Variants in PUDP observed in about 807,000 individuals in gnomAD.
PUDP encodes pseudouridine-5'-phosphatase.
A neutral mutation model predicts 9.4 loss-of-function variants in PUDP; 8 were observed. That is an observed-to-expected ratio of 0.85 (90% CI 0.50 to 1.53). The LOEUF is 1.53. Among genes scored for constraint, PUDP ranks in the 40% most tolerant of loss-of-function variants. The pLI is 0.00. For missense variants in PUDP, 188 were observed against 189.7 expected, an observed-to-expected ratio of 0.99 and a Z score of 0.05; for synonymous variants, 99 against 80.7, an observed-to-expected ratio of 1.23 and a Z score of -1.22.
intron 1 of PUDP, among the ~76,000 whole-genome samples, chrX:6,990,085 G>A (rs773894832): frequency 1.0e-4 from 11 of 110,103 alleles, no homozygotes; most frequent in African/African-American, 3.3e-4. Flanking sequence ...CTCCTCCCAC[G>A]CCCTACATTC....
intron 1 of PUDP, among the ~76,000 whole-genome samples, chrX:7,033,935 A>G (rs1392547086): frequency 1.8e-5 from 2 of 112,278 alleles, no homozygotes; most frequent in Non-Finnish European, 3.8e-5. Context: ...GTCAAGAGAC[A>G]GGACTTTTCA....
intron 3 of PUDP, among the ~76,000 whole-genome samples, chrX:6,884,380 G>C (rs1408859219): frequency 3.6e-5 from 4 of 111,537 alleles, no homozygotes; most frequent in Non-Finnish European, 7.5e-5. Flanking sequence ...AGCCCATAGA[G>C]TGTTTCCAAG....
chrX:6,930,732 AGTTCTTTCTCGT>A (rs1335638355), intron 3 of PUDP, among the ~76,000 whole-genome samples: 1 of 110,749 alleles, frequency 9.0e-6, no homozygotes. Flanking sequence ...ACTCACCCCC[AGTTCTTTCTCGT>A]GTGAGATTTA....
At chrX:7,133,036 TG>T (rs1357719265) in intron 1 of PUDP, among the ~76,000 whole-genome samples, 1 of 111,850 alleles carries the variant, frequency 8.9e-6, no homozygotes, top group East Asian at 2.8e-4. Context: ...AGGAGGTGCC[TG>T]GAAGGTGTGG....
At chrX:6,784,637 CTT>C (rs1365741726) in intron 3 of PUDP, among the ~76,000 whole-genome samples, 2 of 112,012 alleles carry the variant, frequency 1.8e-5, no homozygotes, top group Non-Finnish European at 3.8e-5. Flanking sequence ...TCTTTAGTCT[CTT>C]TGACTTGAGA....
chrX:6,922,069 GAC>G (rs767147563), intron 3 of PUDP, among the ~76,000 whole-genome samples: 2 of 110,776 alleles, frequency 1.8e-5, no homozygotes, highest in African/African-American at 3.3e-5. Flanking sequence ...TGAACTCATG[GAC>G]ACAGAGAGTA....
intron 3 of PUDP, among the ~76,000 whole-genome samples, chrX:6,751,917 C>T (rs1026177344): frequency 9.0e-6 from 1 of 110,620 alleles, no homozygotes; most frequent in African/African-American, 3.3e-5. Context: ...TCTTATAACC[C>T]CTCTCTGTCC....
At chrX:6,937,358 A>C (rs1402085488) in intron 3 of PUDP, among the ~76,000 whole-genome samples, 1 of 107,868 alleles carries the variant, frequency 9.3e-6, no homozygotes, top group Non-Finnish European at 1.9e-5. Flanking sequence ...CTTTGACAAA[A>C]CTGAGAAAAA....
chrX:6,746,208 C>T (rs1459974962), intron 3 of PUDP, among the ~76,000 whole-genome samples: 2 of 112,167 alleles, frequency 1.8e-5, no homozygotes, highest in African/African-American at 3.2e-5. Context: ...CAACTCTGAC[C>T]TTACCCAGCC....
At chrX:6,971,253 C>T (rs1162644897) in intron 3 of PUDP, among the ~76,000 whole-genome samples, 1 of 110,415 alleles carries the variant, frequency 9.1e-6, no homozygotes, top group East Asian at 2.8e-4. Context: ...CTGTTTGATA[C>T]CAGTACCATG....
chrX:6,824,901 A>G lies in PUDP; in HGVS notation c.*248-118435T>C, dbSNP rs188851856. On this transcript the variant is annotated intron_variant and NMD_transcript_variant, in intron 3 of 3. Transcript: ENST00000655425. ...ATGTTCAGGAAAGCAACTCTCCTAT[A>G]ACTTCAAAGAGCACCCAGGTGGAAG... Among the ~76,000 whole-genome samples the G allele has an allele frequency of 1.5e-4, 17 of 112,098 alleles. No individual in the cohort carries two copies. The East Asian group carries it at 4.5e-3, about 30-fold the overall frequency.
intron 3 of PUDP, among the ~76,000 whole-genome samples, chrX:6,958,351 C>A (rs1300412179): frequency 8.9e-6 from 1 of 111,758 alleles, no homozygotes; most frequent in Non-Finnish European, 1.9e-5. Flanking sequence ...TATAAGTATG[C>A]CAGGTCAAAT....
At chrX:6,837,629 T>C (rs1345440479) in intron 3 of PUDP, among the ~76,000 whole-genome samples, 8 of 112,444 alleles carry the variant, frequency 7.1e-5, no homozygotes, top group Admixed American at 1.9e-4. Context: ...GCATTCCACG[T>C]GTTTAGGTGG....
intron 1 of PUDP, among the ~76,000 whole-genome samples, chrX:7,139,705 G>A (rs1294950959): frequency 8.9e-6 from 1 of 112,115 alleles, no homozygotes; most frequent in Non-Finnish European, 1.9e-5. Flanking sequence ...TCCTTGCTCT[G>A]TCCTTGAACA....
intron 3 of PUDP, among the ~76,000 whole-genome samples, chrX:6,827,934 C>T (rs1602636487): frequency 8.9e-6 from 1 of 112,072 alleles, no homozygotes; most frequent in African/African-American, 3.2e-5. Flanking sequence ...GTGAGTAACA[C>T]ATGTATTTTA....
At chrX:7,044,210 G>A (rs764015874), downstream of PUDP, among the ~76,000 whole-genome samples, 1 of 112,687 alleles carries the variant, frequency 8.9e-6, no homozygotes, top group South Asian at 3.7e-4. Context: ...TAGATGAGCA[G>A]AAGCATACCA....
intron 1 of PUDP, among the ~76,000 whole-genome samples, chrX:7,007,758 C>G (rs978852769): frequency 6.2e-5 from 7 of 112,090 alleles, no homozygotes; most frequent in Non-Finnish European, 1.3e-4. Flanking sequence ...AGCTCCACGA[C>G]TGATGGCACA....
intron 3 of PUDP, among the ~76,000 whole-genome samples, chrX:6,763,650 C>T (rs1925253223): frequency 9.0e-6 from 1 of 111,489 alleles, no homozygotes. Flanking sequence ...AAACGCTTCC[C>T]TATCATTGAG....
chrX:6,835,280 G>A, intron 3 of PUDP, among the ~76,000 whole-genome samples: 1 of 110,433 alleles, frequency 9.1e-6, no homozygotes, highest in South Asian at 3.9e-4. Flanking sequence ...ACTCAAATGA[G>A]CTTGAAAGTG....
Sources: gnomAD v4.1 joint callset for allele counts (sites outside exome capture counted in the v4.1 genomes callset) on GRCh38, gnomAD v4.1.1 for gene constraint, MANE v1.5 for transcripts, NCBI Gene and HGNC (gene_info 2026-07-23, HGNC 2026-07-21) for gene names.